The following C1QTNF7 variants were observed in gnomAD, a reference collection of about 807,000 sequenced individuals.
C1QTNF7 encodes the protein complement C1q tumor necrosis factor-related protein 7.
In C1QTNF7, 15 loss-of-function variants were observed where a neutral mutation model predicts 19.6. The ratio of observed to expected loss-of-function variants is 0.76; its 90% CI spans 0.51 to 1.18. The LOEUF is 1.18. Among genes scored for constraint, C1QTNF7 ranks in the 50% most tolerant of loss-of-function variants. C1QTNF7 has a pLI of 0.00. For missense variants in C1QTNF7, 324 were observed against 359.7 expected (o/e 0.90, Z 0.80); for synonymous variants, 142 against 137.5 (o/e 1.03, Z -0.23).
In C1QTNF7 at chr4:15,388,990, G is replaced by T. The variant is rs143185232; in HGVS notation, c.14-46746G>T. On this transcript the variant is annotated intron_variant, in intron 1 of 2. Transcript: ENST00000295297. The stretch of plus-strand genomic sequence containing the variant: ...AGGCTCAGTGAAATGAGGAATGAAG[G>T]GTTGAAAACAGCCTCCACCTGGTGG... Among the ~76,000 whole-genome samples, 294 of 152,250 alleles carry T rather than the reference G, an allele frequency of 1.9e-3. 1 individual carries two copies. Among genetic ancestry groups the T allele is most frequent in the Non-Finnish European group, 3.3e-3 (227 of 68,026 alleles).
chr4:15,430,391 C>A (rs965923722), intron 1 of C1QTNF7, among the ~76,000 whole-genome samples: 1 of 152,112 alleles, frequency 6.6e-6, no homozygotes, highest in African/African-American at 2.4e-5. Flanking sequence ...TCAAGACCAA[C>A]CTGGGTAACT....
intron 1 of C1QTNF7, among the ~76,000 whole-genome samples, chr4:15,349,456 G>T (rs1716828151): frequency 1.3e-5 from 2 of 152,134 alleles, no homozygotes; most frequent in Admixed American, 1.3e-4. Flanking sequence ...TTCTACACAG[G>T]ATTTGAGGCA....
chr4:15,342,664 GCA>G (rs774819582), intron 1 of C1QTNF7, among the ~76,000 whole-genome samples: 1 of 152,208 alleles, frequency 6.6e-6, no homozygotes, highest in Non-Finnish European at 1.5e-5. Context: ...GCAGGCAAAG[GCA>G]CAGAGGTGCA....
chr4:15,372,184 G>A (rs543224147), intron 1 of C1QTNF7, among the ~76,000 whole-genome samples: 1 of 152,256 alleles, frequency 6.6e-6, no homozygotes, highest in Non-Finnish European at 1.5e-5. Flanking sequence ...GGACTGAATT[G>A]TGTCACCCCA....
intron 2 of C1QTNF7, among the ~76,000 whole-genome samples, chr4:15,441,621 G>A (rs1191028383): frequency 1.3e-5 from 2 of 152,146 alleles, no homozygotes; most frequent in Non-Finnish European, 2.9e-5. Context: ...AGTTAATTAT[G>A]TTAAATTTGT....
chr4:15,362,005 T>A (rs772611451), intron 1 of C1QTNF7, among the ~76,000 whole-genome samples: 9 of 152,162 alleles, frequency 5.9e-5, no homozygotes, highest in Admixed American at 2.6e-4. Flanking sequence ...CGTGGTGAAC[T>A]GCAGGGCACA....
intron 1 of C1QTNF7, among the ~76,000 whole-genome samples, chr4:15,345,077 C>T (rs569783210): frequency 7.2e-5 from 11 of 152,302 alleles, no homozygotes; most frequent in East Asian, 1.9e-4. Flanking sequence ...CTTATAAACA[C>T]GAGTCTGCAA....
intron 2 of C1QTNF7, among the ~76,000 whole-genome samples, chr4:15,441,704 G>A (rs1712761159): frequency 1.3e-5 from 2 of 152,168 alleles, no homozygotes; most frequent in Non-Finnish European, 2.9e-5. Flanking sequence ...TATTTTTGTT[G>A]TTAGTGCACC....
chr4:15,350,679 A>G (rs950285969), intron 1 of C1QTNF7, among the ~76,000 whole-genome samples: 10 of 152,160 alleles, frequency 6.6e-5, no homozygotes, highest in Non-Finnish European at 8.8e-5. Flanking sequence ...GCTATATTGG[A>G]CTGGGGACAC....
upstream of C1QTNF7, among the ~76,000 whole-genome samples, chr4:15,426,501 T>C (rs774637719): frequency 3.3e-5 from 5 of 152,196 alleles, no homozygotes; most frequent in Non-Finnish European, 7.4e-5. Context: ...TCAATTTTTA[T>C]TGAAGAACAG....
At chr4:15,360,448 T>C (rs987324854) in intron 1 of C1QTNF7, among the ~76,000 whole-genome samples, 1 of 152,148 alleles carries the variant, frequency 6.6e-6, no homozygotes, top group Admixed American at 6.6e-5. Context: ...GCTGATTCAT[T>C]AACATTGAAT....
rs929935092 is a variant in C1QTNF7 at position 15,445,121 on chromosome 4, G to A, written c.*2322G>A. 5.9e-5 allele frequency: 9 copies of A among 152,190 alleles called. No individual in the cohort carries two copies. Among genetic ancestry groups the A allele is most frequent in the African/African-American group, 2.2e-4 (9 of 41,504 alleles). 9.4% of individuals were successfully genotyped at this position (152,190 alleles called of 1,614,324 possible). On this transcript the variant is annotated 3_prime_UTR_variant, in exon 3 of 3. Coordinates refer to ENST00000444304, the MANE Select transcript of C1QTNF7 (RefSeq NM_031911.5). ...TCCTGCCATACTTTGTGCACTTATTGCTCTCCTTCTGAGTCAGGACATGTG... is the reference window on the plus strand; with the variant it reads ...TCCTGCCATACTTTGTGCACTTATTACTCTCCTTCTGAGTCAGGACATGTG...
chr4:15,348,656 T>C (rs953583246), intron 1 of C1QTNF7, among the ~76,000 whole-genome samples: 4 of 152,204 alleles, frequency 2.6e-5, no homozygotes, highest in Non-Finnish European at 5.9e-5. Flanking sequence ...CACGGGGCAA[T>C]ATGGCCCACT....
intron 1 of C1QTNF7, among the ~76,000 whole-genome samples, chr4:15,356,698 A>G (rs1287538748): frequency 6.6e-6 from 1 of 152,224 alleles, no homozygotes; most frequent in Non-Finnish European, 1.5e-5. Context: ...TGGCTGAACT[A>G]ATTTACACTC....
chr4:15,425,169 G>C (rs556132897), upstream of C1QTNF7, among the ~76,000 whole-genome samples: 1 of 152,074 alleles, frequency 6.6e-6, no homozygotes, highest in East Asian at 1.9e-4. Flanking sequence ...AGTAGATAAG[G>C]CAAAGATTCC....
At chr4:15,355,997 G>A (rs575667792) in intron 1 of C1QTNF7, among the ~76,000 whole-genome samples, 1 of 152,088 alleles carries the variant, frequency 6.6e-6, no homozygotes, top group East Asian at 1.9e-4. Flanking sequence ...CACCATGCCT[G>A]GCTAATATTT....
intron 1 of C1QTNF7, among the ~76,000 whole-genome samples, chr4:15,398,650 T>C (rs374276248): frequency 1.3e-5 from 2 of 152,336 alleles, no homozygotes; most frequent in Admixed American, 6.5e-5. Context: ...AGCAGTCTGC[T>C]TCTGTTACCT....
At chr4:15,351,377 C>T (rs971933977) in intron 1 of C1QTNF7, among the ~76,000 whole-genome samples, 1 of 152,068 alleles carries the variant, frequency 6.6e-6, no homozygotes, top group Non-Finnish European at 1.5e-5. Context: ...ACAACTAAAA[C>T]TGTATGTTGC....
Position 15,349,720 on chromosome 4 carries a change from G to A in C1QTNF7, c.13+9513G>A, listed in dbSNP as rs547324956. ...GAATTCCTTTTCTTTTCCTTGACCC[G>A]GGTCTTGCCTTGGAACCAATGTTTT... On this transcript the variant is annotated intron_variant, in intron 1 of 2. Transcript: ENST00000295297. Among the ~76,000 whole-genome samples the A allele has an allele frequency of 1.3e-4, 20 of 152,190 alleles. No individual in the cohort carries two copies. The South Asian group carries it at 1.9e-3, about 14-fold the overall frequency.
Sources: gnomAD v4.1 joint callset for allele counts (sites outside exome capture counted in the v4.1 genomes callset) on GRCh38, gnomAD v4.1.1 for gene constraint, MANE v1.5 for transcripts, NCBI Gene and HGNC (gene_info 2026-07-23, HGNC 2026-07-21) for gene names.